Variants in COL1A1 observed in about 807,000 individuals in gnomAD.
COL1A1 encodes the protein collagen alpha-1(I) chain.
Under a neutral mutation model 195.7 loss-of-function variants are expected in COL1A1, and 21 were observed. The observed-to-expected ratio is 0.11, with a 90% CI of 0.08 to 0.15. COL1A1 has a LOEUF of 0.15. Among genes scored for constraint, COL1A1 ranks in the 10% least tolerant of loss-of-function variants. The probability of loss-of-function intolerance (pLI) is 1.00; values close to 1 mark genes in which losing one functional copy is unlikely to be tolerated. For missense variants in COL1A1, 1,365 were observed against 2,051.0 expected (o/e 0.67, Z 6.46); for synonymous variants, 749 against 747.3 (o/e 1.00, Z -0.04).
Position 50,189,127 on chromosome 17 carries a change from T to C in COL1A1, c.2937+41A>G. 1.2e-6 allele frequency: 2 copies of C among 1,603,498 alleles called. No homozygotes were observed. The highest frequency in any genetic ancestry group is 1.7e-6 in the Non-Finnish European group (2 of 1,170,752). On this transcript the variant is annotated intron_variant, in intron 40 of 50. Coordinates refer to ENST00000225964, the MANE Select transcript of COL1A1 (RefSeq NM_000088.4). This position sits in a 1 kb window ranked among gnomAD's most constrained non-coding sequence, Gnocchi z 5.5. ...CTCCGCCCCACTCCAAGTCCTGTGATGGTTTTTCTCAGGGCCCCCCAAGGT... is the reference window on the plus strand; with the variant it reads ...CTCCGCCCCACTCCAAGTCCTGTGACGGTTTTTCTCAGGGCCCCCCAAGGT...
Position 50,190,009 on chromosome 17 carries a change from CA to C in COL1A1, c.2550del (p.Gly851AlafsTer257), listed in dbSNP as rs1114167380. ...AGGGCCAAGCCACTCACAATGGGGCCAGGGGGTCCAGCGGGTCCGGCAGGGC... is the reference window on the plus strand; with the variant it reads ...AGGGCCAAGCCACTCACAATGGGGCCGGGGGTCCAGCGGGTCCGGCAGGGC... Reference protein sequence around the residue: ...PPGPAGPAGPPGPIGNVGAPG... With the variant: ...PPGPAGPAGPXGPIGNVGAPG... On this transcript the variant is annotated frameshift_variant, in exon 36 of 51. Coordinates refer to ENST00000225964, the MANE Select transcript of COL1A1 (RefSeq NM_000088.4). LOFTEE classifies it high-confidence loss of function. The surrounding 1 kb of genome is among the most constrained non-coding windows in gnomAD (Gnocchi z 4.7). 6.2e-7 allele frequency: 1 copy of C among 1,613,610 alleles called. No individual in the cohort carries two copies. The highest frequency in any genetic ancestry group is 8.5e-7 in the Non-Finnish European group (1 of 1,179,870).
intron 31 of COL1A1, 120 bp from the exon 32 acceptor site, chr17:50,191,610 A>G: frequency 8.7e-7 from 1 of 1,155,398 alleles, no homozygotes; most frequent in Non-Finnish European, 1.3e-6. Flanking sequence ...CCTTGAGAAA[A>G]GATGAAAAGA....
In COL1A1 at chr17:50,192,576, GAA is replaced by G. The variant is rs754454248; in HGVS notation, c.1930-50_1930-49del. 1.9e-6 allele frequency: 3 copies of G among 1,613,948 alleles called. No individual in the cohort carries two copies. The East Asian group carries it at 6.7e-5, about 36-fold the overall frequency. On this transcript the variant is annotated intron_variant, in intron 28 of 50. Transcript: ENST00000225964. Reference sequence around the variant, plus strand: ...GAAGGGAGGGAAGGTTTAGAATCTGGAAGAGACCAAAGAGGTGTTTCCTACCC... The same window carrying G: ...GAAGGGAGGGAAGGTTTAGAATCTGGGAGACCAAAGAGGTGTTTCCTACCC...
chr17:50,193,920 A>G (rs372008669), intron 25 of COL1A1, 23 bp downstream of exon 25: 3 of 1,606,802 alleles, frequency 1.9e-6, no homozygotes, highest in South Asian at 2.2e-5. Flanking sequence ...CTGGCTCTTC[A>G]TGGATCCTCA....
In COL1A1 at chr17:50,193,902, G is replaced by A. The variant is rs41316661; in HGVS notation, c.1767+41C>T. The A allele has an allele frequency of 3.9e-4, 609 of 1,574,796 alleles. 5 individuals are homozygous for A. Among genetic ancestry groups the A allele is most frequent in the Non-Finnish European group, 4.8e-5 (55 of 1,144,390 alleles). On this transcript the variant is annotated intron_variant, in intron 25 of 50. Transcript: ENST00000225964. ...CAGGACTCCTTCAAGTCTCAGGTGT[G>A]TTTGTCCCTGGCTCTTCATGGATCC...
chr17:50,193,695 C>T, intron 25 of COL1A1: 1 of 501,080 alleles, frequency 2.0e-6, no homozygotes, highest in Non-Finnish European at 3.7e-6. Context: ...GTTGGCCCGA[C>T]TGGTCTCAAA....
At position 50,194,242 on chromosome 17, in the gene COL1A1, G is replaced by C; in HGVS notation, c.1615-59C>G. On this transcript the variant is annotated intron_variant, in intron 23 of 50. Transcript: ENST00000225964. The surrounding 1 kb of genome is among the most constrained non-coding windows in gnomAD (Gnocchi z 6.8). ...GGAGAAGCATGATGGAGGTGGGGGA[G>C]GACTCCAGAGGGCAGACCCTTGGGC... is the stretch of plus-strand genomic sequence containing the variant. The C allele has an allele frequency of 1.3e-6, 2 of 1,587,360 alleles. No homozygotes were observed. Among genetic ancestry groups the C allele is most frequent in the Non-Finnish European group, 1.7e-6 (2 of 1,156,910 alleles).
In COL1A1 at chr17:50,192,711, T is replaced by C; in HGVS notation, c.1876-18A>G. On this transcript the variant is annotated intron_variant, in intron 27 of 50. Transcript: ENST00000225964. ...GCGGGACCCTGCACAGAGAGAACACTACAGTCACGGGGAGGCCGAGGAGAC... is the reference window on the plus strand; with the variant it reads ...GCGGGACCCTGCACAGAGAGAACACCACAGTCACGGGGAGGCCGAGGAGAC... 6.2e-7 allele frequency: 1 copy of C among 1,613,966 alleles called. No individual in the cohort carries two copies. Among genetic ancestry groups the C allele is most frequent in the Non-Finnish European group, 8.5e-7 (1 of 1,179,962 alleles).
Position 50,197,081 on chromosome 17 carries a change from A to C in COL1A1, c.751-18T>G. 1.2e-6 allele frequency: 2 copies of C among 1,614,184 alleles called. No individual in the cohort carries two copies. Among genetic ancestry groups the C allele is most frequent in the Non-Finnish European group, 1.7e-6 (2 of 1,180,028 alleles). On this transcript the variant is annotated intron_variant, in intron 10 of 50. Transcript: ENST00000225964. ...CGAGCACCCTGGAGAGAGATGAAGA[A>C]GACAAGGAAGGGCCATTAGAACACA... is the stretch of plus-strand genomic sequence containing the variant.
At chr17:50,196,877 ACT>A in intron 11 of COL1A1, 131 bp downstream of exon 11, 1 of 1,167,922 alleles carries the variant, frequency 8.6e-7, no homozygotes, top group Non-Finnish European at 1.3e-6. Context: ...TTGGATGTCC[ACT>A]CTCTGTCCCT....
intron 1 of COL1A1, among the ~76,000 whole-genome samples, chr17:50,200,456 G>GC (rs1021039029): frequency 2.2e-4 from 33 of 152,012 alleles, no homozygotes; most frequent in Non-Finnish European, 2.8e-4. Context: ...TGGAAGGGAG[G>GC]CCCCCCCAAG....
rs1205291089 is a variant in COL1A1, at chr17:50,195,869, C to T, written c.1056+54G>A. The T allele has an allele frequency of 1.9e-6, 3 of 1,549,048 alleles. No homozygotes were observed. The highest frequency in any genetic ancestry group is 2.4e-5 in the East Asian group (1 of 41,302). The stretch of plus-strand genomic sequence containing the variant: ...CCCTTTGGTTTGGGGAACAGGGAGA[C>T]ATGAACCCCTTGGCCCATGAGGGTC... On this transcript the variant is annotated intron_variant, in intron 16 of 50. Transcript: ENST00000225964. The surrounding 1 kb of genome is among the most constrained non-coding windows in gnomAD (Gnocchi z 4.3).
chr17:50,192,093 G>C (rs573216775), intron 29 of COL1A1, 69 bp from the exon 30 acceptor site: 14 of 1,529,400 alleles, frequency 9.2e-6, no homozygotes, highest in Non-Finnish European at 1.2e-5. Context: ...TGGAAAGCAC[G>C]GTCCTTCCTC....
At position 50,190,172 on chromosome 17, in the gene COL1A1, G is replaced by T; in HGVS notation, c.2452-64C>A. 1.4e-6 allele frequency: 2 copies of T among 1,405,662 alleles called. No individual in the cohort carries two copies. The highest frequency in any genetic ancestry group is 2.0e-6 in the Non-Finnish European group (2 of 990,650). The allele number at this position is 1,405,662 out of a possible 1,614,324, so 87.1% of individuals were successfully genotyped here. A position where few individuals can be genotyped will look rare whatever the true frequency, so the allele number is the denominator to read the frequency against. On this transcript the variant is annotated intron_variant, in intron 35 of 50. Coordinates refer to ENST00000225964, the MANE Select transcript of COL1A1 (RefSeq NM_000088.4). This position sits in a 1 kb window ranked among gnomAD's most constrained non-coding sequence, Gnocchi z 4.7. Reference sequence around the variant, plus strand: ...GCAGGAGTTTCCACTACCTGGGGGAGGAGCAGTAATGGAGGCAGGAAGATG... The same window carrying T: ...GCAGGAGTTTCCACTACCTGGGGGATGAGCAGTAATGGAGGCAGGAAGATG...
At chr17:50,192,089 G>T in intron 29 of COL1A1, 65 bp from the exon 30 acceptor site, 2 of 1,545,780 alleles carry the variant, frequency 1.3e-6, no homozygotes, top group Non-Finnish European at 1.8e-6. Context: ...CTGCTGGAAA[G>T]CACGGTCCTT....
chr17:50,196,712 G>T (rs767871687), intron 11 of COL1A1, 42 bp from the exon 12 acceptor site: 1 of 1,604,688 alleles, frequency 6.2e-7, no homozygotes, highest in South Asian at 1.1e-5. Context: ...CTGTGGAGGG[G>T]GTGGAACAGC....
In COL1A1 at chr17:50,194,770, G is replaced by C. The variant is rs978893604; in HGVS notation, c.1412C>G (p.Ala471Gly). ...GPAGEEGKRG[A>G]RGEPGPTGLP... ...GCCAGTGGGTCCGGGTTCACCTCGAGCTCCTCGCTTTCCTTCCTCTCCAGC... is the reference window on the plus strand; with the variant it reads ...GCCAGTGGGTCCGGGTTCACCTCGACCTCCTCGCTTTCCTTCCTCTCCAGC... The change falls in exon 21 of 51, where the codon GCT (alanine) becomes GGT (glycine). Residue 471 changes from alanine (A) to glycine (G), a missense_variant. Coordinates refer to ENST00000225964, the MANE Select transcript of COL1A1 (RefSeq NM_000088.4). This position sits in a 1 kb window ranked among gnomAD's most constrained non-coding sequence, Gnocchi z 6.8. 7.0e-6 allele frequency: 11 copies of C among 1,574,120 alleles called. No homozygotes were observed. The African/African-American group carries it at 1.1e-4, about 16-fold the overall frequency.
chr17:50,191,235 A>G, intron 32 of COL1A1, 148 bp downstream of exon 32: 9 of 805,316 alleles, frequency 1.1e-5, no homozygotes, highest in Non-Finnish European at 1.9e-5. Flanking sequence ...AGGATTCATC[A>G]GCAAAAAGGC....
chr17:50,192,897 C>G (rs1284403232), intron 26 of COL1A1, 47 bp from the exon 27 acceptor site: 1 of 1,613,188 alleles, frequency 6.2e-7, no homozygotes, highest in Non-Finnish European at 8.5e-7. Flanking sequence ...AGGCCCCGAG[C>G]AGCTGAGGAC....
Sources: allele counts gnomAD v4.1 joint callset (sites outside exome capture counted in the v4.1 genomes callset), GRCh38; gene constraint gnomAD v4.1.1; non-coding constraint Gnocchi (gnomAD v3.1); transcripts MANE v1.5; gene names NCBI Gene and HGNC (gene_info 2026-07-23, HGNC 2026-07-21).